The following MB variants were observed in gnomAD, a reference collection of about 807,000 sequenced individuals.
MB encodes the protein myoglobin.
Under a neutral mutation model 14.5 loss-of-function variants are expected in MB, and 10 were observed. That is an observed-to-expected ratio of 0.69 (90% CI 0.43 to 1.17). The LOEUF (loss-of-function observed/expected upper bound fraction) is 1.17. Ranked by LOEUF, MB falls within the 50% of genes most tolerant of loss-of-function variation. MB has a pLI of 0.00. For synonymous variants in MB, 89 were observed against 78.6 expected (o/e 1.13, Z -0.70); for missense variants, 169 against 192.7 (o/e 0.88, Z 0.73).
At chr22:35,609,939 T>A (rs892688975) in intron 2 of MB, among the ~76,000 whole-genome samples, 1 of 152,176 alleles carries the variant, frequency 6.6e-6, no homozygotes, top group Admixed American at 6.5e-5. Flanking sequence ...TTCTCCTGCT[T>A]CCAGTTGGGA....
chr22:35,614,833 C>T (rs56242354), intron 1 of MB, among the ~76,000 whole-genome samples: 2,728 of 152,238 alleles, frequency 0.018, 48 homozygotes, highest in South Asian at 0.041. Context: ...GGCCCAGTTC[C>T]TCCCTGTAAT....
Position 35,607,224 on chromosome 22 carries a change from G to A in MB, c.*73C>T. 2 of 1,514,634 alleles carry A rather than the reference G, an allele frequency of 1.3e-6. No homozygotes were observed. Among genetic ancestry groups the A allele is most frequent in the East Asian group, 2.3e-5 (1 of 43,996 alleles). The allele number at this position is 1,514,634 out of a possible 1,614,324, so 93.8% of individuals were successfully genotyped here. ...AGACACTCAGAAGCAAACTCTATAT[G>A]GCTACACGAGATCAGACCCCGCTCT... On this transcript the variant is annotated 3_prime_UTR_variant, in exon 3 of 3. Transcript: ENST00000397326.
intron 1 of MB, among the ~76,000 whole-genome samples, chr22:35,614,885 G>C (rs915691833): frequency 6.6e-6 from 1 of 152,050 alleles, no homozygotes; most frequent in Admixed American, 6.6e-5. Context: ...AACATTTTAT[G>C]ACCTTGAAAT....
upstream of MB, chr22:35,617,706 A>T (rs1923186071): frequency 6.0e-6 from 1 of 167,140 alleles, no homozygotes; most frequent in South Asian, 1.6e-4. Flanking sequence ...AAGCTTGGCC[A>T]CCAGGTGCCC....
intron 2 of MB, among the ~76,000 whole-genome samples, chr22:35,610,665 T>C (rs1044345717): frequency 6.6e-6 from 1 of 152,190 alleles, no homozygotes. Flanking sequence ...GAATTTGGCA[T>C]ACTAAATTAA....
At position 35,609,283 on chromosome 22, in the gene MB, G is replaced by A. The variant is rs149442241; in HGVS notation, c.318+1601C>T. 3.0e-3 allele frequency among the ~76,000 whole-genome samples: 456 copies of A among 152,318 alleles called. 5 individuals carry two copies. Among genetic ancestry groups the A allele is most frequent in the African/African-American group, 0.01 (434 of 41,566 alleles). On this transcript the variant is annotated intron_variant, in intron 2 of 2. Transcript: ENST00000397326. ...CCATGACCGGAGATGAAGATAAAGT[G>A]CCATGGTGCAGGGAGGGGCTGGCAG...
At chr22:35,609,450 G>A (rs965960386) in intron 2 of MB, among the ~76,000 whole-genome samples, 12 of 152,206 alleles carry the variant, frequency 7.9e-5, no homozygotes, top group African/African-American at 1.9e-4. Flanking sequence ...GTCTGTTCAC[G>A]CTGGTGATGT....
intron 2 of MB, among the ~76,000 whole-genome samples, chr22:35,607,656 C>T (rs533266372): frequency 6.6e-6 from 1 of 152,168 alleles, no homozygotes; most frequent in Admixed American, 6.5e-5. Flanking sequence ...CCTCGATTTA[C>T]AGATGCAGAA....
At chr22:35,610,723 TG>T (rs1431617534) in intron 2 of MB, among the ~76,000 whole-genome samples, 160 bp downstream of exon 2, 1 of 152,132 alleles carries the variant, frequency 6.6e-6, no homozygotes, top group Non-Finnish European at 1.5e-5. Flanking sequence ...GAAGGCAAAG[TG>T]GGTGGCAGTC....
chr22:35,613,041 C>T (rs991975384), intron 1 of MB, among the ~76,000 whole-genome samples: 3 of 152,204 alleles, frequency 2.0e-5, no homozygotes, highest in Non-Finnish European at 4.4e-5. Context: ...GGACCTTATC[C>T]AAATCCTCGT....
intron 1 of MB, 158 bp downstream of exon 1, chr22:35,617,005 C>G: frequency 1.6e-6 from 1 of 622,338 alleles, no homozygotes. Context: ...AGTCCAATCC[C>G]TGACACTTAA....
At chr22:35,619,154 C>T (rs941516266), upstream of MB, among the ~76,000 whole-genome samples, 1 of 152,190 alleles carries the variant, frequency 6.6e-6, no homozygotes, top group Non-Finnish European at 1.5e-5. Flanking sequence ...TCAAATAAAA[C>T]ACCTTCCTGT....
At position 35,617,125 on chromosome 22, in the gene MB, G is replaced by A. The variant is rs1184125539; in HGVS notation, c.95+38C>T. ...GCAGCTGAACACCCTTGATCTTAGG[G>A]TGTGGGTGGCAGGGGCAATGGAATC... On this transcript the variant is annotated intron_variant, in intron 1 of 2. Coordinates refer to ENST00000397326, the MANE Select transcript of MB (RefSeq NM_005368.3). The A allele has an allele frequency of 2.0e-6, 3 of 1,506,948 alleles. No individual in the cohort carries two copies. In the African/African-American group the frequency reaches 4.1e-5, roughly 21 times the overall value. The allele number at this position is 1,506,948 out of a possible 1,614,324, so 93.3% of individuals were successfully genotyped here.
chr22:35,610,813 C>A (rs868586191), intron 2 of MB, 71 bp downstream of exon 2: 2 of 1,252,200 alleles, frequency 1.6e-6, no homozygotes, highest in Non-Finnish European at 1.1e-6. Flanking sequence ...AGCTTGGACT[C>A]GAACCCAGAT....
Position 35,609,549 on chromosome 22 carries a change from G to A in MB, c.318+1335C>T, listed in dbSNP as rs780611292. Reference sequence around the variant, plus strand: ...GAGGGGTGGCGGTGGTTGTCAATGGGTGATATTGTGCCACAGTGGATTCAG... The same window carrying A: ...GAGGGGTGGCGGTGGTTGTCAATGGATGATATTGTGCCACAGTGGATTCAG... On this transcript the variant is annotated intron_variant, in intron 2 of 2. Transcript: ENST00000397326. Among the ~76,000 whole-genome samples the A allele has an allele frequency of 1.5e-3, 222 of 152,152 alleles. 1 individual carries two copies. The highest frequency in any genetic ancestry group is 2.2e-3 in the Non-Finnish European group (149 of 68,040).
At chr22:35,619,824 C>T (rs1473270858), upstream of MB, among the ~76,000 whole-genome samples, 1 of 152,148 alleles carries the variant, frequency 6.6e-6, no homozygotes, top group Non-Finnish European at 1.5e-5. Flanking sequence ...TGCCATGAGC[C>T]GCCACTCCCT....
At chr22:35,618,053 T>C (rs1407340221), upstream of MB, among the ~76,000 whole-genome samples, 2 of 152,200 alleles carry the variant, frequency 1.3e-5, no homozygotes, top group Non-Finnish European at 2.9e-5. Context: ...ATTAGGATAA[T>C]AGCAGCCAGC....
At chr22:35,616,491 C>G (rs1199196124) in intron 1 of MB, among the ~76,000 whole-genome samples, 1 of 152,176 alleles carries the variant, frequency 6.6e-6, no homozygotes, top group Non-Finnish European at 1.5e-5. Flanking sequence ...TTGAAAGGTC[C>G]CTAGCCTGGG....
At chr22:35,619,195 A>T (rs1923307012), upstream of MB, among the ~76,000 whole-genome samples, 1 of 152,238 alleles carries the variant, frequency 6.6e-6, no homozygotes, top group Non-Finnish European at 1.5e-5. Context: ...TTTTAGGGAG[A>T]TAACTAAGAG....
Sources: gnomAD v4.1 joint callset for allele counts (sites outside exome capture counted in the v4.1 genomes callset) on GRCh38, gnomAD v4.1.1 for gene constraint, MANE v1.5 for transcripts, NCBI Gene and HGNC (gene_info 2026-07-23, HGNC 2026-07-21) for gene names.